The following SYNDIG1 variants were observed in gnomAD, a reference collection of about 807,000 sequenced individuals.
The protein encoded by SYNDIG1 is synapse differentiation inducing 1.
Under a neutral mutation model 19.4 loss-of-function variants are expected in SYNDIG1, and 9 were observed. The ratio of observed to expected loss-of-function variants is 0.46; its 90% CI spans 0.28 to 0.81. SYNDIG1 has a LOEUF of 0.81. SYNDIG1 is among the 30% of genes least tolerant of loss of function. SYNDIG1 has a pLI of 0.12. For synonymous variants in SYNDIG1, 141 were observed against 145.9 expected, an observed-to-expected ratio of 0.97 and a Z score of 0.24; for missense variants, 311 against 343.3, an observed-to-expected ratio of 0.91 and a Z score of 0.74.
intron 3 of SYNDIG1, among the ~76,000 whole-genome samples, chr20:24,648,540 G>A (rs1600824569): frequency 1.3e-5 from 2 of 152,248 alleles, no homozygotes; most frequent in East Asian, 3.8e-4. Flanking sequence ...ATCTGAAGGA[G>A]TGGAACTAGG....
intron 3 of SYNDIG1, among the ~76,000 whole-genome samples, chr20:24,609,997 G>A (rs1232316762): frequency 6.6e-6 from 1 of 152,112 alleles, no homozygotes; most frequent in African/African-American, 2.4e-5. Context: ...GGGGCCTCTG[G>A]TCATCCCTTT....
At chr20:24,486,204 G>C (rs1367511646) in intron 1 of SYNDIG1, among the ~76,000 whole-genome samples, 1 of 152,212 alleles carries the variant, frequency 6.6e-6, no homozygotes, top group Non-Finnish European at 1.5e-5. Context: ...GTGGTTTGCT[G>C]GTGGGTGTGA....
intron 2 of SYNDIG1, among the ~76,000 whole-genome samples, chr20:24,548,050 G>A (rs1215600619): frequency 6.6e-6 from 1 of 152,182 alleles, no homozygotes; most frequent in Non-Finnish European, 1.5e-5. Flanking sequence ...CATCGATGGA[G>A]CACCTTTTCT....
At chr20:24,479,549 C>T (rs1245081991) in intron 1 of SYNDIG1, among the ~76,000 whole-genome samples, 67 of 152,136 alleles carry the variant, frequency 4.4e-4, no homozygotes, top group Non-Finnish European at 1.5e-5. Flanking sequence ...TAATGATACT[C>T]AGTAACCCAG....
chr20:24,513,580 A>G (rs6049750), intron 1 of SYNDIG1, among the ~76,000 whole-genome samples: 113,222 of 152,108 alleles, frequency 0.74, 42,372 homozygotes, highest in African/African-American at 0.82. Context: ...AGAGGAAAAA[A>G]AGTAAAAAGA....
intron 3 of SYNDIG1, among the ~76,000 whole-genome samples, chr20:24,631,498 T>A (rs781769297): frequency 3.3e-5 from 5 of 152,178 alleles, no homozygotes; most frequent in Admixed American, 6.5e-5. Context: ...AATTCAACAT[T>A]CCTCATTCTT....
At chr20:24,483,968 C>A (rs1161305849) in intron 1 of SYNDIG1, among the ~76,000 whole-genome samples, 2 of 152,080 alleles carry the variant, frequency 1.3e-5, no homozygotes, top group East Asian at 1.9e-4. Flanking sequence ...GGGGTCTTCT[C>A]GGCAGAGGGT....
At chr20:24,486,435 T>C (rs1262509575) in intron 1 of SYNDIG1, among the ~76,000 whole-genome samples, 1 of 152,224 alleles carries the variant, frequency 6.6e-6, no homozygotes, top group African/African-American at 2.4e-5. Context: ...TATACACAAA[T>C]AATGTGAAGA....
chr20:24,525,143 T>A (rs746829387), intron 1 of SYNDIG1, among the ~76,000 whole-genome samples: 31 of 152,184 alleles, frequency 2.0e-4, no homozygotes, highest in Non-Finnish European at 3.8e-4. Context: ...TTTGATCAAA[T>A]GGTTATTAAG....
intron 1 of SYNDIG1, among the ~76,000 whole-genome samples, chr20:24,481,137 A>T (rs548437636): frequency 5.9e-5 from 9 of 151,564 alleles, no homozygotes; most frequent in African/African-American, 2.2e-4. Flanking sequence ...TTGCCACAAT[A>T]AAAAAAAACT....
In SYNDIG1 at chr20:24,613,777, C is replaced by T. The variant is rs556013255; in HGVS notation, c.618+28784C>T. Among the ~76,000 whole-genome samples the T allele has an allele frequency of 2.6e-5, 4 of 152,334 alleles. No homozygotes were observed. The East Asian group carries it at 7.7e-4, about 29-fold the overall frequency. The stretch of plus-strand genomic sequence containing the variant: ...GGAACATTCCCAGCTTAAATCATGA[C>T]ACCCAAAGGACAAGGGCATAAATGG... On this transcript the variant is annotated intron_variant, in intron 3 of 3. Transcript: ENST00000376862.
intron 3 of SYNDIG1, among the ~76,000 whole-genome samples, chr20:24,622,590 T>G (rs1383593561): frequency 6.6e-6 from 1 of 152,190 alleles, no homozygotes; most frequent in Non-Finnish European, 1.5e-5. Context: ...GTGTGGAATC[T>G]AGGTTGCATG....
chr20:24,516,047 C>CA (rs2056855149), intron 1 of SYNDIG1, among the ~76,000 whole-genome samples: 1 of 152,136 alleles, frequency 6.6e-6, no homozygotes, highest in African/African-American at 2.4e-5. Flanking sequence ...CATCTACAAC[C>CA]ATCTGATCTT....
At chr20:24,560,621 C>T (rs1427732711) in intron 2 of SYNDIG1, among the ~76,000 whole-genome samples, 8 of 149,246 alleles carry the variant, frequency 5.4e-5, no homozygotes, top group African/African-American at 2.0e-4. Context: ...GTCACTGTTG[C>T]ATTGAAGTCT....
chr20:24,613,808 A>G (rs751285067), intron 3 of SYNDIG1, among the ~76,000 whole-genome samples: 20 of 152,202 alleles, frequency 1.3e-4, no homozygotes, highest in Non-Finnish European at 2.6e-4. Flanking sequence ...AATGGCATAA[A>G]TGGGATTTGG....
At chr20:24,601,131 A>T (rs1258216638) in intron 3 of SYNDIG1, among the ~76,000 whole-genome samples, 1 of 152,192 alleles carries the variant, frequency 6.6e-6, no homozygotes, top group African/African-American at 2.4e-5. Context: ...TACTAATATA[A>T]ATTACATTGA....
chr20:24,533,204 ACTGTC>A (rs2057296683), intron 1 of SYNDIG1, among the ~76,000 whole-genome samples: 1 of 151,720 alleles, frequency 6.6e-6, no homozygotes, highest in Non-Finnish European at 1.5e-5. Context: ...GAAAGAATTA[ACTGTC>A]CTGGCCTTTT....
intron 3 of SYNDIG1, among the ~76,000 whole-genome samples, chr20:24,634,711 T>G (rs2059297995): frequency 6.6e-6 from 1 of 152,232 alleles, no homozygotes; most frequent in Admixed American, 6.5e-5. Context: ...GTGTTCACAT[T>G]TTATTAATTT....
intron 1 of SYNDIG1, among the ~76,000 whole-genome samples, chr20:24,522,265 AT>A (rs914739475): frequency 2.0e-5 from 3 of 151,972 alleles, no homozygotes; most frequent in African/African-American, 7.3e-5. Flanking sequence ...AGCTTTAAAA[AT>A]TTTTTGTAGA....
Sources: allele counts gnomAD v4.1 joint callset (sites outside exome capture counted in the v4.1 genomes callset), GRCh38; gene constraint gnomAD v4.1.1; transcripts MANE v1.5; gene names NCBI Gene and HGNC (gene_info 2026-07-23, HGNC 2026-07-21).